Variants in ITPK1 observed in about 807,000 individuals in gnomAD.
ITPK1 encodes the protein inositol 1,3,4-trisphosphate 5/6-kinase.
A neutral mutation model predicts 45.3 loss-of-function variants in ITPK1; 21 were observed. The observed-to-expected ratio is 0.46, with a 90% CI of 0.33 to 0.67. The LOEUF (loss-of-function observed/expected upper bound fraction) is 0.67, where lower values mean the gene tolerates loss of function less well. Ranked by LOEUF, ITPK1 falls within the 30% of genes least tolerant of loss-of-function variation. The probability of loss-of-function intolerance (pLI) is 0.02; values close to 1 mark genes in which losing one functional copy is unlikely to be tolerated. For synonymous variants in ITPK1, 258 were observed against 253.6 expected (o/e 1.02, Z -0.16); for missense variants, 474 against 573.5 (o/e 0.83, Z 1.77).
intron 5 of ITPK1, among the ~76,000 whole-genome samples, chr14:92,971,260 A>C (rs1399929149): frequency 6.6e-6 from 1 of 152,156 alleles, no homozygotes; most frequent in Non-Finnish European, 1.5e-5. Context: ...GCTCCATCTT[A>C]TATCAGCCGT....
At chr14:93,074,964 A>T (rs1218934656) in intron 3 of ITPK1, among the ~76,000 whole-genome samples, 1 of 152,078 alleles carries the variant, frequency 6.6e-6, no homozygotes, top group Non-Finnish European at 1.5e-5. Context: ...CCCTGAACAC[A>T]CACCCCTAAG....
intron 2 of ITPK1, 97 bp downstream of exon 2, chr14:93,114,972 C>G: frequency 1.6e-6 from 1 of 639,490 alleles, no homozygotes; most frequent in East Asian, 3.4e-5. Flanking sequence ...TGGCTCCGAT[C>G]TCCCAAAACA....
chr14:92,970,434 G>A (rs1034078414), intron 5 of ITPK1, among the ~76,000 whole-genome samples: 14 of 152,154 alleles, frequency 9.2e-5, no homozygotes, highest in Non-Finnish European at 1.9e-4. Flanking sequence ...ATCCCAGGGC[G>A]CCCCTGCACG....
chr14:92,988,234 C>G (rs903133914), intron 5 of ITPK1, among the ~76,000 whole-genome samples: 1 of 152,182 alleles, frequency 6.6e-6, no homozygotes, highest in African/African-American at 2.4e-5. Flanking sequence ...TCACCTCAGC[C>G]CTGTGGTCTG....
intron 2 of ITPK1, among the ~76,000 whole-genome samples, chr14:93,080,572 G>A (rs1177846722): frequency 2.6e-5 from 4 of 152,272 alleles, no homozygotes; most frequent in East Asian, 3.9e-4. Flanking sequence ...TTCTAAGCCC[G>A]TGGAAACATT....
At position 93,036,310 on chromosome 14, in the gene ITPK1, G is replaced by A. The variant is rs901307799; in HGVS notation, c.121-19509C>T. Among the ~76,000 whole-genome samples, 6 of 152,312 alleles carry A rather than the reference G, an allele frequency of 3.9e-5. No individual in the cohort carries two copies. The highest frequency in any genetic ancestry group is 9.6e-5 in the African/African-American group (4 of 41,564). The stretch of plus-strand genomic sequence containing the variant: ...GGACTGCAATGTCTAAAGGGCATCC[G>A]GTTGAGGCCACAAGGTCATGCTCTG... On this transcript the variant is annotated intron_variant, in intron 3 of 10. Transcript: ENST00000267615. The surrounding 1 kb of genome is among the most constrained non-coding windows in gnomAD (Gnocchi z 4.1).
At chr14:92,989,584 C>T (rs1886679797) in intron 5 of ITPK1, among the ~76,000 whole-genome samples, 2 of 152,208 alleles carry the variant, frequency 1.3e-5, no homozygotes, top group African/African-American at 2.4e-5. Context: ...GGCTTTGGGG[C>T]TTCCATCTCT....
chr14:92,986,690 G>C (rs1886499232), intron 5 of ITPK1, among the ~76,000 whole-genome samples: 1 of 152,164 alleles, frequency 6.6e-6, no homozygotes, highest in Non-Finnish European at 1.5e-5. Flanking sequence ...TGTGGGTGGA[G>C]GGGCCTTCTT....
At chr14:92,999,233 T>C (rs1887210518) in intron 4 of ITPK1, among the ~76,000 whole-genome samples, 1 of 152,176 alleles carries the variant, frequency 6.6e-6, no homozygotes, top group Admixed American at 6.5e-5. Flanking sequence ...ACAAGGCAAG[T>C]CCTGGCAGGT....
chr14:93,103,494 C>G (rs1892405657), intron 2 of ITPK1, among the ~76,000 whole-genome samples: 1 of 152,130 alleles, frequency 6.6e-6, no homozygotes. Context: ...ACACTGTGGG[C>G]AAGAGCTCCC....
At chr14:92,944,607 C>G (rs1887592726) in intron 10 of ITPK1, among the ~76,000 whole-genome samples, 1 of 152,224 alleles carries the variant, frequency 6.6e-6, no homozygotes. Flanking sequence ...TCTCTTCTAA[C>G]AGGCCTCCCT....
intron 2 of ITPK1, among the ~76,000 whole-genome samples, chr14:93,113,565 G>A (rs974476179): frequency 6.6e-6 from 1 of 152,226 alleles, no homozygotes; most frequent in Non-Finnish European, 1.5e-5. Context: ...TGCCAAAGCA[G>A]CTGCTCCAAA....
At chr14:93,019,151 A>G (rs1206490362) in intron 3 of ITPK1, among the ~76,000 whole-genome samples, 1 of 152,172 alleles carries the variant, frequency 6.6e-6, no homozygotes, top group Non-Finnish European at 1.5e-5. Flanking sequence ...ACCACAAACG[A>G]GAGGCCAAGA....
chr14:93,092,072 A>T (rs1891886722), intron 2 of ITPK1, among the ~76,000 whole-genome samples: 1 of 152,212 alleles, frequency 6.6e-6, no homozygotes, highest in East Asian at 1.9e-4. Flanking sequence ...AGAGAGCCCA[A>T]GAACCCTTTT....
intron 2 of ITPK1, among the ~76,000 whole-genome samples, chr14:93,097,025 T>G (rs1380562711): frequency 6.6e-6 from 1 of 152,122 alleles, no homozygotes; most frequent in Non-Finnish European, 1.5e-5. Context: ...TCGAAAAGCT[T>G]TCTGAATGAT....
chr14:93,072,463 T>G (rs995344269), intron 3 of ITPK1, among the ~76,000 whole-genome samples: 2 of 152,258 alleles, frequency 1.3e-5, no homozygotes, highest in Non-Finnish European at 2.9e-5. Flanking sequence ...TCATCTCCAT[T>G]TTTTAATTTT....
chr14:93,039,530 G>A (rs148136363), intron 3 of ITPK1, among the ~76,000 whole-genome samples: 30 of 152,306 alleles, frequency 2.0e-4, no homozygotes, highest in Non-Finnish European at 3.5e-4. Flanking sequence ...GCCTGCTGGA[G>A]ACTTTGTATC....
At chr14:93,096,664 G>A (rs575323443) in intron 2 of ITPK1, among the ~76,000 whole-genome samples, 1 of 152,322 alleles carries the variant, frequency 6.6e-6, no homozygotes, top group South Asian at 2.1e-4. Flanking sequence ...AGCTAGTCCT[G>A]GCTGCAGATT....
At chr14:93,084,876 C>T (rs191433190) in intron 2 of ITPK1, among the ~76,000 whole-genome samples, 2 of 152,350 alleles carry the variant, frequency 1.3e-5, no homozygotes, top group African/African-American at 2.4e-5. Flanking sequence ...CCAAGAGCAG[C>T]TCAAGTGCCT....
Sources: allele counts gnomAD v4.1 joint callset (sites outside exome capture counted in the v4.1 genomes callset), GRCh38; gene constraint gnomAD v4.1.1; non-coding constraint Gnocchi (gnomAD v3.1); transcripts MANE v1.5; gene names NCBI Gene and HGNC (gene_info 2026-07-23, HGNC 2026-07-21).